Variants in NKAIN2 observed in about 807,000 individuals in gnomAD.
NKAIN2 encodes sodium/potassium-transporting ATPase subunit beta-1-interacting protein 2.
A neutral mutation model predicts 32.6 loss-of-function variants in NKAIN2; 14 were observed. The ratio of observed to expected loss-of-function variants is 0.43; its 90% CI spans 0.28 to 0.67. The LOEUF (loss-of-function observed/expected upper bound fraction) is 0.67. Among genes scored for constraint, NKAIN2 ranks in the 30% least tolerant of loss-of-function variants. NKAIN2 has a pLI of 0.17. For synonymous variants in NKAIN2, 80 were observed against 87.2 expected (o/e 0.92, Z 0.46); for missense variants, 198 against 258.3 (o/e 0.77, Z 1.60).
chr6:124,130,734 T>C (rs1786432091), intron 1 of NKAIN2, among the ~76,000 whole-genome samples: 1 of 152,158 alleles, frequency 6.6e-6, no homozygotes, highest in East Asian at 1.9e-4. Context: ...ACCTATCTTT[T>C]AGGATGATTT....
intron 1 of NKAIN2, among the ~76,000 whole-genome samples, chr6:124,248,670 C>T (rs542028768): frequency 5.9e-5 from 9 of 152,066 alleles, no homozygotes; most frequent in Admixed American, 1.3e-4. Context: ...GTGACTATAA[C>T]TTCCCCTAGC....
chr6:124,349,356 G>A (rs191558151), intron 2 of NKAIN2, among the ~76,000 whole-genome samples: 49 of 152,206 alleles, frequency 3.2e-4, no homozygotes, highest in African/African-American at 1.1e-3. Context: ...CAGGCCGGTT[G>A]GGTATTCTCC....
At chr6:124,577,110 T>C (rs944126261) in intron 3 of NKAIN2, among the ~76,000 whole-genome samples, 3 of 151,852 alleles carry the variant, frequency 2.0e-5, no homozygotes, top group African/African-American at 7.3e-5. Flanking sequence ...AGGAAAAATA[T>C]TCAGTTAAAA....
chr6:124,029,397 A>T (rs1038699365), intron 1 of NKAIN2, among the ~76,000 whole-genome samples: 15 of 133,250 alleles, frequency 1.1e-4, no homozygotes, highest in South Asian at 4.4e-4. Context: ...CATTTTATTT[A>T]AAAAAAAAAA....
At chr6:124,363,211 G>GT (rs1322202557) in intron 3 of NKAIN2, among the ~76,000 whole-genome samples, 1 of 152,108 alleles carries the variant, frequency 6.6e-6, no homozygotes, top group Non-Finnish European at 1.5e-5. Flanking sequence ...TTTGTATAAT[G>GT]TATCTATTAC....
intron 4 of NKAIN2, among the ~76,000 whole-genome samples, chr6:124,727,964 C>T (rs1776423001): frequency 6.7e-6 from 1 of 149,232 alleles, no homozygotes; most frequent in East Asian, 2.0e-4. Context: ...ACAAAGAAGG[C>T]CATTACATAA....
At chr6:123,889,367 A>G (rs893143330) in intron 1 of NKAIN2, among the ~76,000 whole-genome samples, 1 of 152,096 alleles carries the variant, frequency 6.6e-6, no homozygotes, top group African/African-American at 2.4e-5. Flanking sequence ...CTACCCCAGA[A>G]TGACCTGAAA....
chr6:124,536,173 A>C (rs1191906326), intron 3 of NKAIN2, among the ~76,000 whole-genome samples: 1 of 152,218 alleles, frequency 6.6e-6, no homozygotes, highest in Non-Finnish European at 1.5e-5. Context: ...AACAGGAGAA[A>C]TGAGAAAGAA....
chr6:124,482,043 C>G (rs1285854791), intron 3 of NKAIN2, among the ~76,000 whole-genome samples: 1 of 152,194 alleles, frequency 6.6e-6, no homozygotes, highest in South Asian at 2.1e-4. Context: ...AAAACCAAAG[C>G]AATTTAAATG....
chr6:124,719,048 T>G (rs1378779544), intron 4 of NKAIN2, among the ~76,000 whole-genome samples: 1 of 152,222 alleles, frequency 6.6e-6, no homozygotes, highest in Non-Finnish European at 1.5e-5. Flanking sequence ...TAATTTTTAT[T>G]GAGTTTTTCT....
At chr6:124,490,160 A>G (rs1462741097) in intron 3 of NKAIN2, among the ~76,000 whole-genome samples, 1 of 151,814 alleles carries the variant, frequency 6.6e-6, no homozygotes, top group Non-Finnish European at 1.5e-5. Flanking sequence ...AGATGCATAG[A>G]GTTAGTTGTA....
At chr6:124,550,835 G>A (rs899159045) in intron 3 of NKAIN2, among the ~76,000 whole-genome samples, 3 of 152,132 alleles carry the variant, frequency 2.0e-5, no homozygotes, top group Non-Finnish European at 4.4e-5. Flanking sequence ...TTTGATTTCG[G>A]TAGAAAATGA....
At chr6:124,015,012 A>G (rs372773665) in intron 1 of NKAIN2, among the ~76,000 whole-genome samples, 3 of 152,086 alleles carry the variant, frequency 2.0e-5, no homozygotes, top group South Asian at 4.1e-4. Context: ...GTTTTTAGGG[A>G]TGGATGTTCT....
intron 1 of NKAIN2, among the ~76,000 whole-genome samples, chr6:124,170,429 CT>C (rs2114497241): frequency 6.6e-6 from 1 of 152,302 alleles, no homozygotes; most frequent in African/African-American, 2.4e-5. Flanking sequence ...GAATTTCTCT[CT>C]GCTAAATAGA....
chr6:123,899,733 G>A lies in NKAIN2; in HGVS notation c.54+95479G>A, dbSNP rs149339790. ...GCTTCTCTCCCTCAAGGATGTCCTG[G>A]TCTAGGAGAGGTGGGGATTGTGACT... is the stretch of plus-strand genomic sequence containing the variant. On this transcript the variant is annotated intron_variant, in intron 1 of 6. Transcript: ENST00000368417. 2.5e-3 allele frequency among the ~76,000 whole-genome samples: 381 copies of A among 152,224 alleles called. 1 individual carries two copies. The highest frequency in any genetic ancestry group is 8.5e-3 in the African/African-American group (354 of 41,534).
chr6:124,333,618 C>A (rs900991216), intron 2 of NKAIN2, among the ~76,000 whole-genome samples: 1 of 151,946 alleles, frequency 6.6e-6, no homozygotes, highest in African/African-American at 2.4e-5. Context: ...TGAGATCACA[C>A]CACTGCACTC....
chr6:124,373,734 G>T (rs1019085179), intron 3 of NKAIN2, among the ~76,000 whole-genome samples: 1 of 152,108 alleles, frequency 6.6e-6, no homozygotes, highest in South Asian at 2.1e-4. Context: ...TGATAAATTG[G>T]ATAAGGATGA....
chr6:124,166,323 A>T (rs998372936), intron 1 of NKAIN2, among the ~76,000 whole-genome samples: 4 of 151,870 alleles, frequency 2.6e-5, no homozygotes, highest in Non-Finnish European at 5.9e-5. Flanking sequence ...TTCTTTTGAG[A>T]AGTGTCTGTT....
At chr6:124,663,174 C>A (rs1784808438) in intron 4 of NKAIN2, among the ~76,000 whole-genome samples, 1 of 152,126 alleles carries the variant, frequency 6.6e-6, no homozygotes, top group South Asian at 2.1e-4. Context: ...CGCCTGTAAT[C>A]CCAGCAGTTT....
Sources: allele counts gnomAD v4.1 joint callset (sites outside exome capture counted in the v4.1 genomes callset), GRCh38; gene constraint gnomAD v4.1.1; transcripts MANE v1.5; gene names NCBI Gene and HGNC (gene_info 2026-07-23, HGNC 2026-07-21).